The following ZNF624 variants were observed in gnomAD, a reference collection of about 807,000 sequenced individuals.
ZNF624 encodes zinc finger protein 624.
A neutral mutation model predicts 74.7 loss-of-function variants in ZNF624; 43 were observed. The observed-to-expected ratio is 0.58, with a 90% CI of 0.45 to 0.74. ZNF624 has a LOEUF of 0.74. ZNF624 is among the 30% of genes least tolerant of loss of function. The pLI is 0.00. For synonymous variants in ZNF624, 331 were observed against 341.3 expected, an observed-to-expected ratio of 0.97 and a Z score of 0.33; for missense variants, 820 against 1,030.0, an observed-to-expected ratio of 0.80 and a Z score of 2.79.
rs976518639 is a variant in ZNF624, at chr17:16,622,719, G to A, written c.2167C>T (p.Pro723Ser). The A allele has an allele frequency of 2.5e-6, 4 of 1,613,632 alleles. No individual in the cohort carries two copies. The African/African-American group carries it at 5.3e-5, about 22-fold the overall frequency. Reference sequence around the variant, plus strand: ...TTCCCACAGTCATTACATTTAAATGGTTTCTCTCCAGTATGTGTTCTTTGA... The same window carrying A: ...TTCCCACAGTCATTACATTTAAATGATTTCTCTCCAGTATGTGTTCTTTGA... Reference protein sequence around the residue: ...THQRTHTGEKPFKCNDCGKAF... With the variant: ...THQRTHTGEKSFKCNDCGKAF... Residue 723 changes from proline to serine, a missense_variant, in exon 6 of 6, where the codon CCA becomes TCA. Pro to Ser is a moderately conservative substitution (Grantham distance 74, BLOSUM62 -1). Coordinates refer to ENST00000311331, the MANE Select transcript of ZNF624 (RefSeq NM_020787.4).
Position 16,624,081 on chromosome 17 carries a change from A to AT in ZNF624, c.804dup (p.Ser269IlefsTer3), listed in dbSNP as rs773036648. On this transcript the variant is annotated frameshift_variant, in exon 6 of 6. Coordinates refer to ENST00000311331, the MANE Select transcript of ZNF624 (RefSeq NM_020787.4). LOFTEE classifies it high-confidence loss of function. ...TTGTAGGGTTTTTCCTTATTATTGGATTTTTTCCCCAAAGTTAGTTCTGAA... is the reference window on the plus strand; with the variant it reads ...TTGTAGGGTTTTTCCTTATTATTGGATTTTTTTCCCCAAAGTTAGTTCTGAA... 19 of 1,613,870 alleles carry AT rather than the reference A, an allele frequency of 1.2e-5. No individual in the cohort carries two copies. In the Admixed American group the frequency reaches 1.7e-4, roughly 14 times the overall value.
chr17:16,629,381 C>T (rs1190841596), intron 5 of ZNF624, among the ~76,000 whole-genome samples: 3 of 151,368 alleles, frequency 2.0e-5, no homozygotes, highest in East Asian at 2.0e-4. Context: ...TGGTCTTGAA[C>T]GCCTGACCCC....
At chr17:16,650,773 G>A (rs978581337) in intron 1 of ZNF624, among the ~76,000 whole-genome samples, 6 of 152,086 alleles carry the variant, frequency 3.9e-5, no homozygotes, top group Non-Finnish European at 7.4e-5. Flanking sequence ...TACAAAAAGT[G>A]TTATAAGCAA....
Position 16,621,827 on chromosome 17 carries a change from T to C in ZNF624, c.*461A>G, listed in dbSNP as rs1908920789. 6.6e-6 allele frequency: 1 copy of C among 152,422 alleles called. No individual in the cohort carries two copies. The highest frequency in any genetic ancestry group is 1.5e-5 in the Non-Finnish European group (1 of 68,306). 9.4% of individuals were successfully genotyped at this position (152,422 alleles called of 1,614,324 possible). ...TAAGTAAAATGAGTAAAATAAAAAA[T>C]CTAAAAAGGAAATGATACAAATATT... is the stretch of plus-strand genomic sequence containing the variant. On this transcript the variant is annotated 3_prime_UTR_variant, in exon 6 of 6. Coordinates refer to ENST00000311331, the MANE Select transcript of ZNF624 (RefSeq NM_020787.4).
At chr17:16,648,090 C>T (rs180889171) in intron 2 of ZNF624, among the ~76,000 whole-genome samples, 334 of 151,954 alleles carry the variant, frequency 2.2e-3, no homozygotes, top group Admixed American at 3.7e-3. Context: ...CACACACCAC[C>T]ATGTCCGGCT....
rs763751798 is a variant in ZNF624, at chr17:16,633,880, A to C, written c.358T>G (p.Ser120Ala). ...AACTCACCAGGATAGGGAATTCTTG[A>C]AATTTCTCTCACCGTCACCCATGGT... The part of the protein sequence containing the change: ...KGPWVTVREI[S>A]RIPYPDMEPK... The change falls in exon 5 of 6, where the codon TCA becomes GCA. Residue 120 changes from serine to alanine, a missense_variant. Physicochemically the swap from Ser to Ala is moderately conservative, Grantham distance 99 (BLOSUM62 1). Transcript: ENST00000311331. 3 of 1,613,604 alleles carry C rather than the reference A, an allele frequency of 1.9e-6. No homozygotes were observed. In the Admixed American group the frequency reaches 5.0e-5, roughly 27 times the overall value.
At chr17:16,618,641 C>T (rs1435772641), downstream of ZNF624, among the ~76,000 whole-genome samples, 3 of 152,104 alleles carry the variant, frequency 2.0e-5, no homozygotes, top group East Asian at 5.8e-4. Context: ...CATGGATTTA[C>T]TTCTACCTCT....
downstream of ZNF624, chr17:16,617,435 C>A (rs1908812682): frequency 4.3e-6 from 7 of 1,612,528 alleles, no homozygotes; most frequent in Non-Finnish European, 5.9e-6. Context: ...AACTCAATTA[C>A]ACCCTCATTT....
Position 16,622,698 on chromosome 17 carries a change from C to T in ZNF624, c.2188G>A (p.Gly730Arg). The change falls in exon 6 of 6, where the codon GGG (glycine) becomes AGG (arginine). Residue 730 changes from glycine to arginine, a missense_variant. Coordinates refer to ENST00000311331, the MANE Select transcript of ZNF624 (RefSeq NM_020787.4). ...GEKPFKCNDCGKAFSQMVHVT... is the reference protein window; with the variant it reads ...GEKPFKCNDCRKAFSQMVHVT... ...TGTACCATCTGGCTAAATGCTTTCC[C>T]ACAGTCATTACATTTAAATGGTTTC... 1 of 1,613,902 alleles carries T rather than the reference C, an allele frequency of 6.2e-7. No individual in the cohort carries two copies. Among genetic ancestry groups the T allele is most frequent in the Non-Finnish European group, 8.5e-7 (1 of 1,179,972 alleles).
At chr17:16,615,956 C>CATACAT (rs58603208), downstream of ZNF624, among the ~76,000 whole-genome samples, 137 of 90,228 alleles carry the variant, frequency 1.5e-3, no homozygotes, top group African/African-American at 4.1e-3. Context: ...ATTCCATATA[C>CATACAT]ATATATATAT....
downstream of ZNF624, chr17:16,617,698 C>A: frequency 7.5e-6 from 12 of 1,604,888 alleles, no homozygotes; most frequent in Non-Finnish European, 1.0e-5. Flanking sequence ...ACGCGCTCGC[C>A]GCAGAGCTCC....
At chr17:16,628,694 T>G (rs1475949289) in intron 5 of ZNF624, among the ~76,000 whole-genome samples, 1 of 151,464 alleles carries the variant, frequency 6.6e-6, no homozygotes, top group Non-Finnish European at 1.5e-5. Context: ...ACCAGAGTCC[T>G]AGAAGGTTAC....
rs1908966808 is a variant in ZNF624 at position 16,623,143 on chromosome 17, C to T, written c.1743G>A (p.Glu581=). 6.2e-7 allele frequency: 1 copy of T among 1,613,860 alleles called. No homozygotes were observed. The highest frequency in any genetic ancestry group is 1.1e-5 in the South Asian group (1 of 91,074). The part of the protein sequence containing the change: ...LIIHQRIHTE[E]KPYLCNECGE... ...CACATTCATTGCACAGATAAGGTTTCTCTTCAGTATGAATACGCTGATGTA... is the reference window on the plus strand; with the variant it reads ...CACATTCATTGCACAGATAAGGTTTTTCTTCAGTATGAATACGCTGATGTA... Residue 581 remains glutamate (E), a synonymous_variant, in exon 6 of 6, where the codon GAG becomes GAA. Coordinates refer to ENST00000311331, the MANE Select transcript of ZNF624 (RefSeq NM_020787.4). The surrounding 1 kb of genome is among the most constrained non-coding windows in gnomAD (Gnocchi z 5.3).
downstream of ZNF624, chr17:16,617,095 C>T: frequency 6.2e-7 from 1 of 1,612,878 alleles, no homozygotes; most frequent in Non-Finnish European, 8.5e-7. Context: ...CTTAGATCTG[C>T]TTCGAGAATG....
chr17:16,651,265 A>G (rs943162380), intron 1 of ZNF624, among the ~76,000 whole-genome samples: 2 of 151,876 alleles, frequency 1.3e-5, no homozygotes, highest in South Asian at 4.2e-4. Flanking sequence ...TGACTCTACT[A>G]AAAAATACAA....
rs781524752 is a variant in ZNF624 at position 16,624,548 on chromosome 17, T to C, written c.377-39A>G. On this transcript the variant is annotated intron_variant, in intron 5 of 5. Coordinates refer to ENST00000311331, the MANE Select transcript of ZNF624 (RefSeq NM_020787.4). ...GAGAAAAATCAAGTAATTCCTTTCC[T>C]AAGCTGGGGCAATCTCACTAAACAG... The C allele has an allele frequency of 3.3e-6, 5 of 1,508,788 alleles. No individual in the cohort carries two copies. The African/African-American group carries it at 7.0e-5, about 21-fold the overall frequency. 93.5% of individuals were successfully genotyped at this position (1,508,788 alleles called of 1,614,324 possible). A position where few individuals can be genotyped will look rare whatever the true frequency, so the allele number is the denominator to read the frequency against.
chr17:16,617,628 C>T (rs1477827135), downstream of ZNF624: 2 of 1,606,976 alleles, frequency 1.2e-6, no homozygotes, highest in African/African-American at 2.7e-5. Flanking sequence ...TCCACCACGG[C>T]GGCTTCCGTA....
intron 1 of ZNF624, among the ~76,000 whole-genome samples, chr17:16,653,112 G>A (rs1490213471): frequency 3.3e-5 from 5 of 152,218 alleles, no homozygotes; most frequent in African/African-American, 1.2e-4. Flanking sequence ...TGTTTTTGCT[G>A]AGAATCTCAG....
intron 4 of ZNF624, 86 bp downstream of exon 4, chr17:16,634,544 C>T: frequency 1.4e-6 from 2 of 1,417,158 alleles, no homozygotes; most frequent in Non-Finnish European, 1.9e-6. Flanking sequence ...TCAAGTACTT[C>T]AGTTAAGTAC....
Sources: gnomAD v4.1 joint callset for allele counts (sites outside exome capture counted in the v4.1 genomes callset) on GRCh38, gnomAD v4.1.1 for gene constraint, Gnocchi (gnomAD v3.1) non-coding constraint, MANE v1.5 for transcripts, NCBI Gene and HGNC (gene_info 2026-07-23, HGNC 2026-07-21) for gene names.